The following WAS variants were observed in gnomAD, a reference collection of about 807,000 sequenced individuals.
The protein encoded by WAS is actin nucleation-promoting factor WAS.
Under a neutral mutation model 38.9 loss-of-function variants are expected in WAS, and 1 was observed. The observed-to-expected ratio is 0.03, with a 90% CI of 0.01 to 0.12. WAS has a LOEUF of 0.12. Among genes scored for constraint, WAS ranks in the 10% least tolerant of loss-of-function variants. The pLI is 1.00. For synonymous variants in WAS, 182 were observed against 173.6 expected, an observed-to-expected ratio of 1.05 and a Z score of -0.38; for missense variants, 311 against 431.2, an observed-to-expected ratio of 0.72 and a Z score of 2.47.
Position 48,691,336 on chromosome X carries a change from C to A in WAS, c.*174C>A. ...TGGTCCTCACACTCACCCAACAATC[C>A]CAAGGCCCTTTTTATACAAAAATTC... On this transcript the variant is annotated 3_prime_UTR_variant, in exon 12 of 12. Coordinates refer to ENST00000376701, the MANE Select transcript of WAS (RefSeq NM_000377.3). 1 of 452,694 alleles carries A rather than the reference C, an allele frequency of 2.2e-6. No individual in the cohort carries two copies. Among genetic ancestry groups the A allele is most frequent in the Admixed American group, 3.8e-5 (1 of 26,579 alleles). 37.3% of individuals were successfully genotyped at this position (452,694 alleles called of 1,213,427 possible). A position where few individuals can be genotyped will look rare whatever the true frequency, so the allele number is the denominator to read the frequency against.
chrX:48,679,023 T>C, upstream of WAS, among the ~76,000 whole-genome samples: 1 of 109,755 alleles, frequency 9.1e-6, no homozygotes, highest in Non-Finnish European at 1.9e-5. Flanking sequence ...GTGCTTTAAG[T>C]TTTTCTTTCT....
chrX:48,690,597 C>T (rs956991440), intron 11 of WAS, among the ~76,000 whole-genome samples: 8 of 108,893 alleles, frequency 7.3e-5, no homozygotes, highest in African/African-American at 1.0e-4. Flanking sequence ...TCTTTTGAGA[C>T]GGAGTCTTGC....
At chrX:48,687,965 T>C in intron 7 of WAS, 89 bp from the exon 8 acceptor site, 2 of 997,781 alleles carry the variant, frequency 2.0e-6, no homozygotes, top group East Asian at 3.3e-5. Context: ...TCAGAGTCTC[T>C]TTGGGCAGGA....
intron 11 of WAS, 125 bp downstream of exon 11, chrX:48,689,559 T>TAAGGCC: frequency 1.7e-6 from 1 of 580,155 alleles, no homozygotes; most frequent in Non-Finnish European, 2.9e-6. Flanking sequence ...AACATGAATC[T>TAAGGCC]TGTGTCAGCC....
chrX:48,683,891 G>A lies in WAS; in HGVS notation c.38G>A (p.Arg13Gln), dbSNP rs1440423616. ...CCAATGGGAGGAAGGCCCGGGGGCCGAGGAGCACCAGCGGTTCAGCAGAAC... is the reference window on the plus strand; with the variant it reads ...CCAATGGGAGGAAGGCCCGGGGGCCAAGGAGCACCAGCGGTTCAGCAGAAC... ...GGPMGGRPGG[R>Q]GAPAVQQNIP... The change falls in exon 1 of 12, where the codon CGA becomes CAA. Residue 13 changes from arginine (R) to glutamine (Q), a missense_variant. Physicochemically the swap from Arg to Gln is conservative, Grantham distance 43. Around this residue, in one of 4 missense-constraint regions of WAS, gnomAD observed 64 missense variants for 122.5 expected, o/e 0.52. Coordinates refer to ENST00000376701, the MANE Select transcript of WAS (RefSeq NM_000377.3). 8 of 1,209,700 alleles carry A rather than the reference G, an allele frequency of 6.6e-6. No homozygotes were observed. The highest frequency in any genetic ancestry group is 3.0e-5 in the East Asian group (1 of 33,730).
At chrX:48,683,714 C>T, upstream of WAS, 1 of 978,148 alleles carries the variant, frequency 1.0e-6, no homozygotes, top group Non-Finnish European at 1.4e-6. Flanking sequence ...GCCAGGCCCA[C>T]CAAGGGGCCC....
Position 48,689,063 on chromosome X carries a change from C to T in WAS, c.1335C>T (p.Asn445=), listed in dbSNP as rs1321279353. The part of the protein sequence containing the change: ...LDQIRQGIQL[N]KTPGAPESSA... ...AAATCCGGCAGGGAATTCAGCTGAA[C>T]AAGGTGAGGACAGGCAGGATGGAGG... The change falls in exon 10 of 12, where the codon AAC becomes AAT. Residue 445 remains asparagine (N), a synonymous_variant. Transcript: ENST00000376701. 1.7e-6 allele frequency: 2 copies of T among 1,199,396 alleles called. No individual in the cohort carries two copies. Among genetic ancestry groups the T allele is most frequent in the Admixed American group, 4.4e-5 (2 of 45,706 alleles).
intron 11 of WAS, 97 bp from the exon 12 acceptor site, chrX:48,691,010 G>C (rs2062438027): frequency 6.5e-6 from 5 of 772,708 alleles, no homozygotes; most frequent in Middle Eastern, 2.8e-4. Context: ...CCTCTAGCAT[G>C]AGACCTCAGA....
chrX:48,688,873 C>T lies in WAS; in HGVS notation c.1145C>T (p.Pro382Leu). Reference protein sequence around the residue: ...PPATGRSGPLPPPPPGAGGPP... With the variant: ...PPATGRSGPLLPPPPGAGGPP... Reference sequence around the variant, plus strand: ...GCTACTGGACGTTCTGGACCACTGCCCCCTCCACCCCCTGGAGCTGGTGGG... The same window carrying T: ...GCTACTGGACGTTCTGGACCACTGCTCCCTCCACCCCCTGGAGCTGGTGGG... Residue 382 changes from proline to leucine, a missense_variant, in exon 10 of 12, where the codon CCC becomes CTC. Physicochemically the swap from Pro to Leu is moderately conservative, Grantham distance 98. Around this residue, in one of 4 missense-constraint regions of WAS, gnomAD observed 142 missense variants for 157.6 expected, o/e 0.90. Coordinates refer to ENST00000376701, the MANE Select transcript of WAS (RefSeq NM_000377.3). The T allele has an allele frequency of 8.6e-7, 1 of 1,163,222 alleles. No homozygotes were observed. Among genetic ancestry groups the T allele is most frequent in the South Asian group, 1.9e-5 (1 of 51,665 alleles).
chrX:48,688,946 C>A lies in WAS; in HGVS notation c.1218C>A (p.Ser406=). ...CACCACCGCCACCGCCGCCCAGCTC[C>A]GGGAATGGACCAGCCCCTCCCCCAC... ...PPPPPPPPPS[S]GNGPAPPPLP... The change falls in exon 10 of 12, where the codon TCC becomes TCA. Residue 406 remains serine (S), a synonymous_variant. Transcript: ENST00000376701. 1 of 1,168,372 alleles carries A rather than the reference C, an allele frequency of 8.6e-7. No individual in the cohort carries two copies. The highest frequency in any genetic ancestry group is 1.9e-5 in the South Asian group (1 of 51,888).
chrX:48,691,120 C>T lies in WAS; in HGVS notation c.1467C>T (p.Asp489=), dbSNP rs141629445. 30 of 1,208,019 alleles carry T rather than the reference C, an allele frequency of 2.5e-5. No homozygotes were observed. The African/African-American group carries it at 3.9e-4, about 16-fold the overall frequency. ...RAIHSSDEGE[D]QAGDEDEDDE... is the part of the protein sequence containing the mutation. ...CTTTCCCTCCAGACGAAGGGGAGGA[C>T]CAGGCTGGCGATGAAGATGAAGATG... is the stretch of plus-strand genomic sequence containing the variant. Residue 489 remains aspartate, a synonymous_variant, in exon 12 of 12, where the codon GAC becomes GAT. Coordinates refer to ENST00000376701, the MANE Select transcript of WAS (RefSeq NM_000377.3).
At chrX:48,683,755 G>T, upstream of WAS, 2 of 1,126,660 alleles carry the variant, frequency 1.8e-6, no homozygotes, top group African/African-American at 1.8e-5. Flanking sequence ...GTCCCTTGTG[G>T]TTTTTTGCAT....
rs1459353795 is a variant in WAS at position 48,684,501 on chromosome X, T to C, written c.273+78T>C. On this transcript the variant is annotated intron_variant, in intron 2 of 11. Coordinates refer to ENST00000376701, the MANE Select transcript of WAS (RefSeq NM_000377.3). ...CCAGATCTGTGTCCATATGTGTCCA[T>C]AGCTTCAAGACCTCAGACCTGATCA... The C allele has an allele frequency of 2.6e-5, 29 of 1,117,548 alleles. No homozygotes were observed. In the Admixed American group the frequency reaches 3.1e-4, roughly 12 times the overall value. The allele number at this position is 1,117,548 out of a possible 1,213,427, so 92.1% of individuals were successfully genotyped here. A position where few individuals can be genotyped will look rare whatever the true frequency, so the allele number is the denominator to read the frequency against.
At position 48,683,869 on chromosome X, in the gene WAS, A is replaced by G. The variant is rs782730988; in HGVS notation, c.16A>G (p.Met6Val). The G allele has an allele frequency of 1.2e-5, 15 of 1,209,536 alleles. No individual in the cohort carries two copies. The South Asian group carries it at 1.4e-4, about 11-fold the overall frequency. The change falls in exon 1 of 12, where the codon ATG becomes GTG. Residue 6 changes from methionine to valine, a missense_variant. Around this residue, in one of 4 missense-constraint regions of WAS, gnomAD observed 64 missense variants for 122.5 expected, o/e 0.52. Coordinates refer to ENST00000376701, the MANE Select transcript of WAS (RefSeq NM_000377.3). MSGGP[M>V]GGRPGGRGAP... ...AGAAAGCACCATGAGTGGGGGCCCA[A>G]TGGGAGGAAGGCCCGGGGGCCGAGG... is the stretch of plus-strand genomic sequence containing the variant.
At chrX:48,682,609 G>A, upstream of WAS, among the ~76,000 whole-genome samples, 1 of 112,080 alleles carries the variant, frequency 8.9e-6, no homozygotes, top group African/African-American at 3.2e-5. Context: ...TTAAAAAAGG[G>A]ATGGGCTGGG....
upstream of WAS, among the ~76,000 whole-genome samples, chrX:48,678,989 A>G (rs1557005471): frequency 1.8e-5 from 2 of 110,519 alleles, no homozygotes; most frequent in Non-Finnish European, 3.8e-5. Flanking sequence ...AACTCATTCT[A>G]TTAGGGACTA....
chrX:48,686,199 T>G (rs1440176032), intron 6 of WAS, 65 bp downstream of exon 6: 56 of 1,152,334 alleles, frequency 4.9e-5, no homozygotes, highest in Middle Eastern at 2.4e-4. Flanking sequence ...GAATGAGGAG[T>G]TGGATGGGTG....
In WAS at chrX:48,683,814, A is replaced by G. The variant is rs2062409950; in HGVS notation, c.-40A>G. On this transcript the variant is annotated 5_prime_UTR_variant, in exon 1 of 12. Coordinates refer to ENST00000376701, the MANE Select transcript of WAS (RefSeq NM_000377.3). ...GCGGAAGTTCCTCTTCTTACCCTGCACCCAGAGCCTCGCCAGAGAAGACAA... is the reference window on the plus strand; with the variant it reads ...GCGGAAGTTCCTCTTCTTACCCTGCGCCCAGAGCCTCGCCAGAGAAGACAA... The G allele has an allele frequency of 8.3e-7, 1 of 1,204,705 alleles. No individual in the cohort carries two copies. The highest frequency in any genetic ancestry group is 2.2e-5 in the Admixed American group (1 of 45,195).
chrX:48,683,078 G>A (rs2062406800), upstream of WAS, among the ~76,000 whole-genome samples: 1 of 109,791 alleles, frequency 9.1e-6, no homozygotes, highest in Non-Finnish European at 1.9e-5. Flanking sequence ...TTTTTGTTGT[G>A]TTGTTGTTGT....
Sources: allele counts gnomAD v4.1 joint callset (sites outside exome capture counted in the v4.1 genomes callset), GRCh38; gene constraint gnomAD v4.1.1; regional missense constraint gnomAD v4.1.1; transcripts MANE v1.5; gene names NCBI Gene and HGNC (gene_info 2026-07-23, HGNC 2026-07-21).